The following OLFM3 variants were observed in gnomAD, a reference collection of about 807,000 sequenced individuals.
The protein encoded by OLFM3 is olfactomedin 3, also known as noelin-3.
In OLFM3, 20 loss-of-function variants were observed where a neutral mutation model predicts 48.6. The ratio of observed to expected loss-of-function variants is 0.41; its 90% CI spans 0.29 to 0.60. OLFM3 has a LOEUF of 0.60. OLFM3 is among the 20% of genes least tolerant of loss of function. The pLI is 0.28. For missense variants in OLFM3, 437 were observed against 544.3 expected, an observed-to-expected ratio of 0.80 and a Z score of 1.96; for synonymous variants, 222 against 198.1, an observed-to-expected ratio of 1.12 and a Z score of -1.01.
At chr1:101,830,616 G>A (rs1006079128) in intron 3 of OLFM3, 56 bp downstream of exon 3, 2 of 1,589,324 alleles carry the variant, frequency 1.3e-6, no homozygotes, top group East Asian at 2.2e-5. Context: ...CCCCACTGCT[G>A]TCCATCCCAC....
intron 1 of OLFM3, among the ~76,000 whole-genome samples, chr1:101,884,955 TG>T (rs750287857): frequency 6.6e-6 from 1 of 152,020 alleles, no homozygotes; most frequent in East Asian, 1.9e-4. Context: ...TCATTACACA[TG>T]TTACTCTATG....
chr1:101,977,336 G>A (rs528355386), intron 1 of OLFM3, among the ~76,000 whole-genome samples: 17 of 152,210 alleles, frequency 1.1e-4, no homozygotes, highest in African/African-American at 4.1e-4. Context: ...AGAACAAAAA[G>A]TCAAATTTAG....
chr1:101,971,081 TAATTA>T (rs772151493), intron 1 of OLFM3, among the ~76,000 whole-genome samples: 2 of 152,214 alleles, frequency 1.3e-5, no homozygotes, highest in Non-Finnish European at 2.9e-5. Flanking sequence ...GATTCTGAAA[TAATTA>T]CATTTTTAAC....
intron 1 of OLFM3, among the ~76,000 whole-genome samples, chr1:101,856,223 A>G (rs1656403330): frequency 6.6e-6 from 1 of 151,924 alleles, no homozygotes; most frequent in Non-Finnish European, 1.5e-5. Context: ...ACCTCTAAAG[A>G]TCTGGTGTTG....
chr1:101,873,904 CA>C (rs1480212391), intron 1 of OLFM3, among the ~76,000 whole-genome samples: 1 of 151,798 alleles, frequency 6.6e-6, no homozygotes, highest in Non-Finnish European at 1.5e-5. Flanking sequence ...TGTTATTCTC[CA>C]AAAATTTACA....
At chr1:101,816,999 T>C (rs1192675710) in intron 4 of OLFM3, among the ~76,000 whole-genome samples, 2 of 152,190 alleles carry the variant, frequency 1.3e-5, no homozygotes, top group Non-Finnish European at 2.9e-5. Context: ...GGCAGTGTCT[T>C]TGTTTATAAT....
At chr1:101,985,126 G>A (rs1435333733) in intron 1 of OLFM3, among the ~76,000 whole-genome samples, 1 of 152,168 alleles carries the variant, frequency 6.6e-6, no homozygotes, top group Admixed American at 6.5e-5. Flanking sequence ...TTTTAAAAGT[G>A]CATCTCCCCA....
intron 1 of OLFM3, among the ~76,000 whole-genome samples, chr1:101,887,152 G>A (rs1394716273): frequency 6.6e-6 from 1 of 151,142 alleles, no homozygotes; most frequent in Non-Finnish European, 1.5e-5. Context: ...ATAACCTCCT[G>A]GTGAGTGAGG....
intron 1 of OLFM3, among the ~76,000 whole-genome samples, chr1:101,960,979 TTAAGAA>T (rs1238174145): frequency 8.5e-5 from 13 of 152,270 alleles, no homozygotes; most frequent in Admixed American, 5.9e-4. Context: ...AGTCTTAAGC[TTAAGAA>T]TAAGTTGAAC....
chr1:101,868,439 T>C (rs1656942232), intron 1 of OLFM3, among the ~76,000 whole-genome samples: 1 of 152,126 alleles, frequency 6.6e-6, no homozygotes. Context: ...AAGAGACTGG[T>C]GGCATTTTGC....
In OLFM3 at chr1:101,893,538, G is replaced by A. The variant is rs540941082; in HGVS notation, c.70-56513C>T. 9.9e-5 allele frequency: 28 copies of A among 283,396 alleles called. No homozygotes were observed. The East Asian group carries it at 2.4e-3, about 25-fold the overall frequency. 17.6% of individuals were successfully genotyped at this position (283,396 alleles called of 1,614,324 possible). ...AGACCAAAAACCAGGACTGGAGCCA[G>A]GAGATATTATCATTGCATTAGATCA... On this transcript the variant is annotated intron_variant, in intron 1 of 5. Transcript: ENST00000370103.
intron 1 of OLFM3, among the ~76,000 whole-genome samples, chr1:101,939,413 G>A (rs1434224062): frequency 6.6e-6 from 1 of 151,782 alleles, no homozygotes; most frequent in African/African-American, 2.4e-5. Flanking sequence ...CAGATGTGTT[G>A]AGCCCACAGA....
intron 1 of OLFM3, among the ~76,000 whole-genome samples, chr1:101,883,198 T>TA (rs1339169545): frequency 1.3e-5 from 2 of 151,784 alleles, no homozygotes; most frequent in Non-Finnish European, 2.9e-5. Context: ...ATTACAGTTT[T>TA]AAAAAAATCA....
chr1:101,812,638 C>T, intron 4 of OLFM3: 1 of 985,628 alleles, frequency 1.0e-6, no homozygotes, highest in South Asian at 4.7e-5. Flanking sequence ...TCTTTGGCTT[C>T]GATGGTGCTT....
intron 1 of OLFM3, among the ~76,000 whole-genome samples, chr1:101,940,728 A>T (rs1039953050): frequency 8.7e-5 from 13 of 150,124 alleles, no homozygotes; most frequent in Non-Finnish European, 1.6e-4. Flanking sequence ...TTGTATATAT[A>T]GCTTTGTATA....
chr1:101,863,166 G>A (rs1656721610), intron 1 of OLFM3, among the ~76,000 whole-genome samples: 1 of 152,062 alleles, frequency 6.6e-6, no homozygotes, highest in Non-Finnish European at 1.5e-5. Context: ...TTCACCATGT[G>A]GGCCGTGCTG....
At chr1:101,875,142 A>G (rs1657248007) in intron 1 of OLFM3, among the ~76,000 whole-genome samples, 1 of 152,056 alleles carries the variant, frequency 6.6e-6, no homozygotes, top group Non-Finnish European at 1.5e-5. Flanking sequence ...GTATAAACAG[A>G]ATTTTAAAAT....
At chr1:101,991,015 AAAT>A (rs1661388219) in intron 1 of OLFM3, among the ~76,000 whole-genome samples, 2 of 98,264 alleles carry the variant, frequency 2.0e-5, no homozygotes, top group African/African-American at 8.1e-5. Context: ...AAAAAAAAAA[AAAT>A]ATATATATAT....
At chr1:101,887,691 TA>T (rs1258734286) in intron 1 of OLFM3, among the ~76,000 whole-genome samples, 2 of 152,006 alleles carry the variant, frequency 1.3e-5, no homozygotes, top group African/African-American at 2.4e-5. Flanking sequence ...ATCATCTTGG[TA>T]AATACTTATT....
Sources: allele counts gnomAD v4.1 joint callset (sites outside exome capture counted in the v4.1 genomes callset), GRCh38; gene constraint gnomAD v4.1.1; transcripts MANE v1.5; gene names NCBI Gene and HGNC (gene_info 2026-07-23, HGNC 2026-07-21).